POLD3: variants seen among roughly 807,000 people sequenced by gnomAD.
POLD3 encodes the protein DNA polymerase delta 3, accessory subunit, also known as DNA polymerase delta subunit 3.
In POLD3, 19 loss-of-function variants were observed where a neutral mutation model predicts 58.2. That is an observed-to-expected ratio of 0.33 (90% CI 0.23 to 0.48). POLD3 has a LOEUF of 0.48. Ranked by LOEUF, POLD3 falls within the 20% of genes least tolerant of loss-of-function variation. The pLI, the probability that POLD3 is intolerant of heterozygous loss-of-function variation, is 0.99. For synonymous variants in POLD3, 172 were observed against 193.5 expected (o/e 0.89, Z 0.92); for missense variants, 504 against 545.5 (o/e 0.92, Z 0.76).
intron 2 of POLD3, chr11:74,595,257 A>G (rs1439809729): frequency 7.0e-6 from 1 of 143,084 alleles, no homozygotes; most frequent in East Asian, 2.1e-4. Flanking sequence ...TCAGCCTACC[A>G]ACTAGCTCTA....
chr11:74,642,222 A>C lies in POLD3; in HGVS notation c.*1456A>C. On this transcript the variant is annotated 3_prime_UTR_variant, in exon 12 of 12. Coordinates refer to ENST00000263681, the MANE Select transcript of POLD3 (RefSeq NM_006591.3). ...CAAGCATGAACTTGATTAAGACCAG[A>C]AGTTTGGGAGATGAGTCCTGGCATT... 1.0e-6 allele frequency: 1 copy of C among 985,460 alleles called. No homozygotes were observed. The highest frequency in any genetic ancestry group is 1.2e-6 in the Non-Finnish European group (1 of 829,940). The allele number at this position is 985,460 out of a possible 1,614,324, so 61.0% of individuals were successfully genotyped here.
At chr11:74,653,521 A>T (rs11236187) in intron 4 of POLD3, among the ~76,000 whole-genome samples, 6 of 152,014 alleles carry the variant, frequency 3.9e-5, no homozygotes, top group Non-Finnish European at 7.4e-5. Flanking sequence ...TGTAAACCTG[A>T]GAGCAACCAC....
At chr11:74,666,719 A>G (rs113931972) in intron 4 of POLD3, among the ~76,000 whole-genome samples, 1 of 152,132 alleles carries the variant, frequency 6.6e-6, no homozygotes, top group Non-Finnish European at 1.5e-5. Flanking sequence ...TTTTTTCCCC[A>G]GAAATTGACA....
At chr11:74,665,523 C>T (rs1381981329) in intron 4 of POLD3, among the ~76,000 whole-genome samples, 1 of 150,668 alleles carries the variant, frequency 6.6e-6, no homozygotes, top group Non-Finnish European at 1.5e-5. Flanking sequence ...GCCTCAGCCT[C>T]CAGAGTAGCT....
At chr11:74,596,836 T>G (rs1430303937) in intron 2 of POLD3, among the ~76,000 whole-genome samples, 1 of 152,208 alleles carries the variant, frequency 6.6e-6, no homozygotes, top group Non-Finnish European at 1.5e-5. Context: ...TTTTACAGAT[T>G]CCACAAATGA....
intron 4 of POLD3, among the ~76,000 whole-genome samples, chr11:74,667,823 CAA>C (rs1326318572): frequency 2.0e-5 from 3 of 152,260 alleles, no homozygotes; most frequent in East Asian, 1.9e-4. Context: ...ATTTTTCTGA[CAA>C]GAGAATTATA....
At chr11:74,651,384 T>G (rs2033066731) in intron 4 of POLD3, among the ~76,000 whole-genome samples, 1 of 152,218 alleles carries the variant, frequency 6.6e-6, no homozygotes, top group South Asian at 2.1e-4. Flanking sequence ...TTCATTCATT[T>G]AACAAATTAC....
intron 3 of POLD3, among the ~76,000 whole-genome samples, chr11:74,608,803 A>C (rs1399903372): frequency 6.6e-6 from 1 of 152,176 alleles, no homozygotes; most frequent in Non-Finnish European, 1.5e-5. Context: ...AATTTTTATA[A>C]TAAGCTCTGT....
Position 74,618,552 on chromosome 11 carries a change from A to G in POLD3, c.408A>G (p.Gln136=), listed in dbSNP as rs780695014. ...CTGTCCCCAGATTTAGTGCTATACA[A>G]TGTGCAGCTGCCGTCCCTAGAGCTC... The part of the protein sequence containing the change: ...LQNCSKFSAI[Q]CAAAVPRAPA... Residue 136 remains glutamine, a synonymous_variant, in exon 6 of 12, where the codon CAA becomes CAG. Coordinates refer to ENST00000263681, the MANE Select transcript of POLD3 (RefSeq NM_006591.3). 2.5e-6 allele frequency: 4 copies of G among 1,613,240 alleles called. No individual in the cohort carries two copies. Among genetic ancestry groups the G allele is most frequent in the Non-Finnish European group, 3.4e-6 (4 of 1,179,214 alleles).
chr11:74,621,194 G>A (rs1028785103), intron 7 of POLD3, among the ~76,000 whole-genome samples: 1 of 152,152 alleles, frequency 6.6e-6, no homozygotes, highest in Non-Finnish European at 1.5e-5. Flanking sequence ...CTTGGGAACC[G>A]GGTGGCACAG....
At chr11:74,598,251 T>C (rs144221215) in intron 2 of POLD3, among the ~76,000 whole-genome samples, 202 of 152,332 alleles carry the variant, frequency 1.3e-3, no homozygotes, top group African/African-American at 4.6e-3. Context: ...TGGAGTTGAT[T>C]TTTTGTGTAT....
In POLD3 at chr11:74,640,621, T is replaced by C; in HGVS notation, c.1256T>C (p.Met419Thr). 6.2e-7 allele frequency: 1 copy of C among 1,606,998 alleles called. No individual in the cohort carries two copies. Among genetic ancestry groups the C allele is most frequent in the Non-Finnish European group, 8.5e-7 (1 of 1,177,094 alleles). The change falls in exon 12 of 12, where the codon ATG becomes ACG. Residue 419 changes from methionine (M) to threonine (T), a missense_variant. Transcript: ENST00000263681. ...ACAGATAGTGAAGAGGAGCTTAACATGAAGACATCCTCAGTACACAGACCC... is the reference window on the plus strand; with the variant it reads ...ACAGATAGTGAAGAGGAGCTTAACACGAAGACATCCTCAGTACACAGACCC... ...SCTDSEEELN[M>T]KTSSVHRPPA...
chr11:74,636,224 C>G lies in POLD3; in HGVS notation c.1147C>G (p.Arg383Gly). The G allele has an allele frequency of 1.9e-6, 3 of 1,610,378 alleles. No homozygotes were observed. The highest frequency in any genetic ancestry group is 1.1e-5 in the South Asian group (1 of 90,996). The stretch of plus-strand genomic sequence containing the variant: ...CTCAAGTGGAGAAAACAAAAGAAAA[C>G]GAAAACGCGTACTAAAATCTAAAAC... ...KSSSGENKRK[R>G]KRVLKSKTYL... The change falls in exon 11 of 12, where the codon CGA becomes GGA. Residue 383 changes from arginine to glycine, a missense_variant. Physicochemically the swap from Arg to Gly is moderately radical, Grantham distance 125. Around this residue, in one of 2 missense-constraint regions of POLD3, gnomAD observed 385 missense variants for 370.5 expected, o/e 1.04. Coordinates refer to ENST00000263681, the MANE Select transcript of POLD3 (RefSeq NM_006591.3).
intron 5 of POLD3, among the ~76,000 whole-genome samples, chr11:74,613,970 G>T (rs139038772): frequency 1.1e-3 from 173 of 152,280 alleles, no homozygotes; most frequent in Non-Finnish European, 2.2e-3. Context: ...GAGGCCTGAA[G>T]GCCCAGTAGA....
At chr11:74,622,785 A>G (rs1031455618) in intron 7 of POLD3, among the ~76,000 whole-genome samples, 6 of 152,244 alleles carry the variant, frequency 3.9e-5, no homozygotes, top group African/African-American at 1.4e-4. Flanking sequence ...ATGATGTGGC[A>G]GTACTTCTAA....
intron 4 of POLD3, among the ~76,000 whole-genome samples, chr11:74,667,485 G>A (rs1437680198): frequency 2.0e-5 from 3 of 152,140 alleles, no homozygotes; most frequent in Non-Finnish European, 4.4e-5. Context: ...AGCCGAGATC[G>A]CGCCACTGCA....
intron 4 of POLD3, among the ~76,000 whole-genome samples, chr11:74,663,531 T>C (rs975583943): frequency 1.3e-5 from 2 of 152,138 alleles, no homozygotes; most frequent in African/African-American, 4.8e-5. Context: ...AAAAAATAGA[T>C]CAATGGGACA....
At chr11:74,644,887 C>A (rs1462310833), downstream of POLD3, among the ~76,000 whole-genome samples, 1 of 152,170 alleles carries the variant, frequency 6.6e-6, no homozygotes, top group Non-Finnish European at 1.5e-5. Flanking sequence ...CATGGCATGT[C>A]TTTTACCGGA....
At chr11:74,595,194 T>C (rs975558927) in intron 2 of POLD3, 1 of 130,144 alleles carries the variant, frequency 7.7e-6, no homozygotes, top group Non-Finnish European at 1.7e-5. Context: ...TTTTTTGAGA[T>C]GGGGTTTCAC....
Sources: allele counts gnomAD v4.1 joint callset (sites outside exome capture counted in the v4.1 genomes callset), GRCh38; gene constraint gnomAD v4.1.1; regional missense constraint gnomAD v4.1.1; transcripts MANE v1.5; gene names NCBI Gene and HGNC (gene_info 2026-07-23, HGNC 2026-07-21).